The following PDK1 variants were observed in gnomAD, a reference collection of about 807,000 sequenced individuals.
The protein encoded by PDK1 is pyruvate dehydrogenase kinase 1.
Under a neutral mutation model 54.2 loss-of-function variants are expected in PDK1, and 39 were observed. The observed-to-expected ratio is 0.72, with a 90% CI of 0.56 to 0.94. The LOEUF is 0.94. PDK1 is among the 40% of genes least tolerant of loss of function. PDK1 has a pLI of 0.00. For synonymous variants in PDK1, 221 were observed against 207.1 expected (o/e 1.07, Z -0.58); for missense variants, 552 against 566.0 (o/e 0.98, Z 0.25).
the PDK1 span, among the ~76,000 whole-genome samples, chr2:172,630,619 A>G: frequency 2.9e-5 from 4 of 135,922 alleles, no homozygotes; most frequent in African/African-American, 8.2e-5. Flanking sequence ...CCTATTTTTT[A>G]CCCTCTAATG....
At chr2:172,612,423 C>A (rs1418350875), downstream of PDK1, among the ~76,000 whole-genome samples, 1 of 152,064 alleles carries the variant, frequency 6.6e-6, no homozygotes, top group Non-Finnish European at 1.5e-5. Context: ...ATTAGTATCA[C>A]TGTCATAAAC....
At chr2:172,703,762 C>CTTTTTTTTTTTTTTTTTT in the PDK1 span, among the ~76,000 whole-genome samples, 1 of 103,256 alleles carries the variant, frequency 9.7e-6, no homozygotes, top group African/African-American at 4.3e-5. Flanking sequence ...TTCTTTCTTT[C>CTTTTTTTTTTTTTTTTTT]TTTCTTTTTT....
chr2:172,682,052 C>A, the PDK1 span, among the ~76,000 whole-genome samples: 5 of 152,242 alleles, frequency 3.3e-5, no homozygotes, highest in South Asian at 8.3e-4. Flanking sequence ...AGCCACCACG[C>A]CCAGCCAGGA....
chr2:172,670,020 G>GT, the PDK1 span, among the ~76,000 whole-genome samples: 1,102 of 151,370 alleles, frequency 7.3e-3, 18 homozygotes, highest in African/African-American at 0.025. Context: ...CATTTGTTGA[G>GT]TTTTTTTTTA....
At chr2:172,678,457 G>A in the PDK1 span, among the ~76,000 whole-genome samples, 1 of 152,126 alleles carries the variant, frequency 6.6e-6, no homozygotes, top group African/African-American at 2.4e-5. Flanking sequence ...TAAGACAGGA[G>A]ACTGTTGGCT....
the PDK1 span, among the ~76,000 whole-genome samples, chr2:172,635,733 A>C: frequency 6.6e-6 from 1 of 152,172 alleles, no homozygotes; most frequent in Non-Finnish European, 1.5e-5. Flanking sequence ...ATAGTGAACA[A>C]ATGACTTGGG....
chr2:172,564,206 T>C (rs1688813341), intron 3 of PDK1: 4 of 473,066 alleles, frequency 8.5e-6, no homozygotes, highest in South Asian at 1.8e-5. Flanking sequence ...ATGACCTTAG[T>C]TGATAACAGT....
At chr2:172,674,720 C>T in the PDK1 span, 1 of 152,292 alleles carries the variant, frequency 6.6e-6, no homozygotes, top group Non-Finnish European at 1.5e-5. Context: ...AACTCTGGTT[C>T]TCATTTCATC....
In PDK1 at chr2:172,566,932, T is replaced by C; in HGVS notation, c.768T>C (p.Asn256=). ...NSPELELEEL[N]AKSPGQPIQV... is the part of the protein sequence containing the mutation. ...CCGAACTAGAACTTGAAGAACTAAA[T>C]GGTAAGCCTGATGTTGTCTTTTTCT... The change falls in exon 6 of 11, where the codon AAT becomes AAC. Residue 256 remains asparagine (N), a splice_region_variant and synonymous_variant. Coordinates refer to ENST00000282077, the MANE Select transcript of PDK1 (RefSeq NM_002610.5). 6.3e-7 allele frequency: 1 copy of C among 1,588,078 alleles called. No individual in the cohort carries two copies.
chr2:172,560,520 GCGTAAGA>G (rs1342529191), intron 2 of PDK1, among the ~76,000 whole-genome samples: 2 of 152,112 alleles, frequency 1.3e-5, no homozygotes, highest in African/African-American at 4.8e-5. Flanking sequence ...TAAATCTTTT[GCGTAAGA>G]CAGTACCATT....
Position 172,600,102 on chromosome 2 carries a change from G to C in PDK1, c.*4133G>C, listed in dbSNP as rs1200354660. On this transcript the variant is annotated 3_prime_UTR_variant, in exon 11 of 11. Coordinates refer to ENST00000282077, the MANE Select transcript of PDK1 (RefSeq NM_002610.5). ...ACTTATAAGTTAAAAATGCTGAGAA[G>C]GTTTTTTTTGGAAACAGTTTATGAG... The C allele has an allele frequency of 1.3e-5, 2 of 152,076 alleles. No individual in the cohort carries two copies. Among genetic ancestry groups the C allele is most frequent in the Admixed American group, 1.3e-4 (2 of 15,238 alleles). 9.4% of individuals were successfully genotyped at this position (152,076 alleles called of 1,614,324 possible).
the PDK1 span, among the ~76,000 whole-genome samples, chr2:172,635,678 G>A: frequency 6.6e-6 from 1 of 152,118 alleles, no homozygotes; most frequent in Non-Finnish European, 1.5e-5. Context: ...TACAGACCCC[G>A]GGAGAGACTG....
chr2:172,573,322 C>A (rs1689385118), intron 8 of PDK1, among the ~76,000 whole-genome samples: 1 of 152,010 alleles, frequency 6.6e-6, no homozygotes, highest in African/African-American at 2.4e-5. Flanking sequence ...TTTTTATTTG[C>A]ATTTGTCTAA....
At chr2:172,634,386 C>A in the PDK1 span, among the ~76,000 whole-genome samples, 2 of 149,598 alleles carry the variant, frequency 1.3e-5, no homozygotes. Flanking sequence ...GATTCCCCTG[C>A]CTCAGCCTCC....
the PDK1 span, among the ~76,000 whole-genome samples, chr2:172,697,428 G>T: frequency 6.6e-6 from 1 of 152,158 alleles, no homozygotes; most frequent in Non-Finnish European, 1.5e-5. Context: ...GACATTTCAA[G>T]AAGTGTATTT....
At chr2:172,661,490 T>G in the PDK1 span, among the ~76,000 whole-genome samples, 1 of 152,198 alleles carries the variant, frequency 6.6e-6, no homozygotes, top group African/African-American at 2.4e-5. Flanking sequence ...CCACATTCAG[T>G]GACGTCAGCC....
the PDK1 span, among the ~76,000 whole-genome samples, chr2:172,629,586 C>A: frequency 6.6e-6 from 1 of 152,184 alleles, no homozygotes; most frequent in African/African-American, 2.4e-5. Context: ...ATAAAATCCT[C>A]CACACTCACC....
At chr2:172,621,558 TTA>T in the PDK1 span, among the ~76,000 whole-genome samples, 64 of 147,314 alleles carry the variant, frequency 4.3e-4, no homozygotes, top group Middle Eastern at 3.6e-3. Flanking sequence ...ATATATATGT[TTA>T]TATATTTATA....
the PDK1 span, among the ~76,000 whole-genome samples, chr2:172,640,113 G>T: frequency 6.6e-6 from 1 of 152,132 alleles, no homozygotes; most frequent in Non-Finnish European, 1.5e-5. Flanking sequence ...TATTCCAAAT[G>T]GACAATGTGA....
Sources: gnomAD v4.1 joint callset for allele counts (sites outside exome capture counted in the v4.1 genomes callset) on GRCh38, gnomAD v4.1.1 for gene constraint, MANE v1.5 for transcripts, NCBI Gene and HGNC (gene_info 2026-07-23, HGNC 2026-07-21) for gene names.